Variants in CAMK1D observed in about 807,000 individuals in gnomAD.
CAMK1D encodes calcium/calmodulin dependent protein kinase ID, also known as calcium/calmodulin-dependent protein kinase type 1D.
In CAMK1D, 9 loss-of-function variants were observed where a neutral mutation model predicts 47.7. The observed-to-expected ratio is 0.19, with a 90% CI of 0.11 to 0.33. The LOEUF (loss-of-function observed/expected upper bound fraction) is 0.33, where lower values mean the gene tolerates loss of function less well. Among genes scored for constraint, CAMK1D ranks in the 10% least tolerant of loss-of-function variants. The probability of loss-of-function intolerance (pLI) is 1.00; values close to 1 mark genes in which losing one functional copy is unlikely to be tolerated. For synonymous variants in CAMK1D, 184 were observed against 184.9 expected (o/e 0.99, Z 0.04); for missense variants, 291 against 488.7 (o/e 0.60, Z 3.81).
chr10:12,658,823 T>C (rs11257931), intron 2 of CAMK1D, among the ~76,000 whole-genome samples: 11,491 of 152,088 alleles, frequency 0.076, 464 homozygotes, highest in South Asian at 0.18. Context: ...TCCACCTCAC[T>C]GAGAGCTACC....
intron 1 of CAMK1D, among the ~76,000 whole-genome samples, chr10:12,509,050 A>G (rs953741691): frequency 6.7e-6 from 1 of 150,248 alleles, no homozygotes; most frequent in African/African-American, 2.5e-5. Flanking sequence ...ATGTGGGGAC[A>G]GAGTCTTGAC....
chr10:12,589,807 G>A, intron 2 of CAMK1D, among the ~76,000 whole-genome samples: 1 of 152,196 alleles, frequency 6.6e-6, no homozygotes, highest in East Asian at 1.9e-4. Context: ...CTTCATTGCA[G>A]TTATTTAGTA....
chr10:12,770,666 C>G (rs998440296), intron 5 of CAMK1D, among the ~76,000 whole-genome samples: 4 of 151,944 alleles, frequency 2.6e-5, no homozygotes, highest in Admixed American at 6.6e-5. Flanking sequence ...GAAACTAAAC[C>G]TGGGGGCCTG....
intron 3 of CAMK1D, among the ~76,000 whole-genome samples, chr10:12,716,381 C>G (rs927407676): frequency 1.3e-5 from 2 of 152,160 alleles, no homozygotes; most frequent in South Asian, 4.1e-4. Flanking sequence ...GCTTGAGAAC[C>G]ATTGCATCAG....
chr10:12,583,606 T>TTTA (rs11438249), intron 2 of CAMK1D, among the ~76,000 whole-genome samples: 2,160 of 88,298 alleles, frequency 0.024, 63 homozygotes, highest in African/African-American at 0.087. Context: ...TGTTGTTTTA[T>TTTA]TTTTTTTTTT....
At position 12,828,862 on chromosome 10, in the gene CAMK1D, C is replaced by T. The variant is rs765682396; in HGVS notation, c.1133C>T (p.Thr378Met). ...AERRPRPTTV[T>M]AVHSGSK Reference sequence around the variant, plus strand: ...CGGAGACCCAGGCCCACCACTGTGACGGCAGTGCACTCTGGAAGCAAGTGA... The same window carrying T: ...CGGAGACCCAGGCCCACCACTGTGATGGCAGTGCACTCTGGAAGCAAGTGA... The change falls in exon 11 of 11, where the codon ACG becomes ATG. Residue 378 changes from threonine (T) to methionine (M), a missense_variant. Coordinates refer to ENST00000619168, the MANE Select transcript of CAMK1D (RefSeq NM_153498.4). 52 of 1,612,750 alleles carry T rather than the reference C, an allele frequency of 3.2e-5. No homozygotes were observed. The highest frequency in any genetic ancestry group is 3.8e-5 in the Non-Finnish European group (45 of 1,179,604).
At chr10:12,544,454 G>C (rs1480264372) in intron 1 of CAMK1D, among the ~76,000 whole-genome samples, 1 of 152,110 alleles carries the variant, frequency 6.6e-6, no homozygotes, top group Non-Finnish European at 1.5e-5. Context: ...TTTATAGGGA[G>C]AAAATATCAT....
chr10:12,739,585 G>A (rs752066986), intron 3 of CAMK1D, among the ~76,000 whole-genome samples: 4 of 151,804 alleles, frequency 2.6e-5, no homozygotes, highest in African/African-American at 4.8e-5. Context: ...CACCGCACCC[G>A]GCTGAGATAT....
At position 12,832,396 on chromosome 10, in the gene CAMK1D, G is replaced by C. The variant is rs1046956798; in HGVS notation, c.*3509G>C. ...CCTCAGAATGAAGTGGTGCAGAGGC[G>C]CAGGGCACACCTAGGAGAAGCTCAA... On this transcript the variant is annotated 3_prime_UTR_variant, in exon 11 of 11. Coordinates refer to ENST00000619168, the MANE Select transcript of CAMK1D (RefSeq NM_153498.4). The C allele has an allele frequency of 6.6e-6, 1 of 152,232 alleles. No homozygotes were observed. Among genetic ancestry groups the C allele is most frequent in the East Asian group, 1.9e-4 (1 of 5,180 alleles). 9.4% of individuals were successfully genotyped at this position (152,232 alleles called of 1,614,324 possible). A position where few individuals can be genotyped will look rare whatever the true frequency, so the allele number is the denominator to read the frequency against.
chr10:12,376,560 T>C (rs1247233140), intron 1 of CAMK1D, among the ~76,000 whole-genome samples: 1 of 152,098 alleles, frequency 6.6e-6, no homozygotes, highest in Non-Finnish European at 1.5e-5. Context: ...TAGTTTATTA[T>C]GGAATCATCA....
intron 2 of CAMK1D, among the ~76,000 whole-genome samples, chr10:12,660,356 T>C (rs1840239872): frequency 6.6e-6 from 1 of 152,206 alleles, no homozygotes; most frequent in African/African-American, 2.4e-5. Flanking sequence ...AAGATGTTAC[T>C]CTCACTCCAC....
At chr10:12,515,734 C>T (rs1303837465) in intron 1 of CAMK1D, among the ~76,000 whole-genome samples, 2 of 151,408 alleles carry the variant, frequency 1.3e-5, no homozygotes, top group Non-Finnish European at 2.9e-5. Context: ...CTCAGCCTCT[C>T]CAGTAGCTGG....
Position 12,388,491 on chromosome 10 carries a change from A to G in CAMK1D, c.92+38581A>G, listed in dbSNP as rs76991464. 4.3e-3 allele frequency among the ~76,000 whole-genome samples: 657 copies of G among 152,272 alleles called. 10 individuals carry two copies. The East Asian group carries it at 0.057, about 13-fold the overall frequency. Reference sequence around the variant, plus strand: ...AAAACTGGTTTACAGCAGAGAAAAAAGCCTTCATCTACGCTGGTGTGCCTT... The same window carrying G: ...AAAACTGGTTTACAGCAGAGAAAAAGGCCTTCATCTACGCTGGTGTGCCTT... On this transcript the variant is annotated intron_variant, in intron 1 of 10. Transcript: ENST00000619168.
chr10:12,638,493 C>A (rs995560998), intron 2 of CAMK1D, among the ~76,000 whole-genome samples: 4 of 151,392 alleles, frequency 2.6e-5, no homozygotes, highest in African/African-American at 7.2e-5. Flanking sequence ...CCGTTCCCGT[C>A]ACCCCTCACT....
intron 2 of CAMK1D, among the ~76,000 whole-genome samples, chr10:12,656,307 A>G (rs540865748): frequency 6.6e-6 from 1 of 152,306 alleles, no homozygotes; most frequent in Non-Finnish European, 1.5e-5. Context: ...CCTGGGTAAC[A>G]TGGTGAAATC....
intron 3 of CAMK1D, among the ~76,000 whole-genome samples, chr10:12,688,715 G>T (rs7909897): frequency 0.033 from 4,984 of 151,900 alleles, 279 homozygotes; most frequent in African/African-American, 0.11. Context: ...ACAGAGTTTC[G>T]CTCTTGTCGC....
intron 3 of CAMK1D, among the ~76,000 whole-genome samples, chr10:12,688,047 G>A (rs916155396): frequency 5.3e-5 from 8 of 152,222 alleles, no homozygotes; most frequent in African/African-American, 1.9e-4. Context: ...AAATGGGCAT[G>A]ACACAAAACA....
At chr10:12,751,257 A>G (rs1331810839) in intron 3 of CAMK1D, among the ~76,000 whole-genome samples, 1 of 151,912 alleles carries the variant, frequency 6.6e-6, no homozygotes, top group Non-Finnish European at 1.5e-5. Context: ...ATATTTATTT[A>G]TTTGTTTATT....
At chr10:12,790,757 G>T (rs1215911016) in intron 5 of CAMK1D, among the ~76,000 whole-genome samples, 1 of 152,122 alleles carries the variant, frequency 6.6e-6, no homozygotes, top group Non-Finnish European at 1.5e-5. Context: ...TTGGGAGGCT[G>T]ATGGGGGAGG....
Sources: gnomAD v4.1 joint callset for allele counts (sites outside exome capture counted in the v4.1 genomes callset) on GRCh38, gnomAD v4.1.1 for gene constraint, MANE v1.5 for transcripts, NCBI Gene and HGNC (gene_info 2026-07-23, HGNC 2026-07-21) for gene names.